Variants in KAT2B observed in about 807,000 individuals in gnomAD.
KAT2B encodes lysine acetyltransferase 2B, also known as histone acetyltransferase KAT2B.
In KAT2B, 36 loss-of-function variants were observed where a neutral mutation model predicts 105.9. The observed-to-expected ratio is 0.34, with a 90% confidence interval of 0.26 to 0.45. KAT2B has a LOEUF of 0.45. Ranked by LOEUF, KAT2B falls within the 20% of genes least tolerant of loss-of-function variation. The pLI is 1.00. For missense variants in KAT2B, 820 were observed against 1,021.6 expected (o/e 0.80, Z 2.69); for synonymous variants, 397 against 377.9 (o/e 1.05, Z -0.59).
At chr3:20,051,001 G>A (rs1422793632) in intron 1 of KAT2B, among the ~76,000 whole-genome samples, 2 of 151,992 alleles carry the variant, frequency 1.3e-5, no homozygotes, top group Non-Finnish European at 2.9e-5. Flanking sequence ...AAGAAATCAA[G>A]ACCAGCCTGG....
intron 13 of KAT2B, among the ~76,000 whole-genome samples, chr3:20,145,500 C>T (rs867573821): frequency 1.3e-4 from 16 of 119,446 alleles, no homozygotes; most frequent in Non-Finnish European, 2.0e-4. Context: ...TGTTTTGTTT[C>T]GTTTTTCCAA....
intron 5 of KAT2B, among the ~76,000 whole-genome samples, chr3:20,107,009 ATATATATT>A (rs1699029138): frequency 4.1e-5 from 1 of 24,658 alleles, no homozygotes; most frequent in Non-Finnish European, 6.4e-5. Flanking sequence ...ATATATATAT[ATATATATT>A]TTTTTTTTTT....
At chr3:20,086,903 T>A (rs184703657) in intron 2 of KAT2B, among the ~76,000 whole-genome samples, 2 of 152,032 alleles carry the variant, frequency 1.3e-5, no homozygotes, top group African/African-American at 4.8e-5. Flanking sequence ...TGCCTCAGCC[T>A]CCCAAGTAGC....
intron 1 of KAT2B, among the ~76,000 whole-genome samples, chr3:20,042,437 G>C (rs528518910): frequency 3.9e-5 from 6 of 152,086 alleles, no homozygotes; most frequent in Non-Finnish European, 8.8e-5. Context: ...TAAGAACAAG[G>C]TCATGGGTAC....
chr3:20,115,033 AC>A, intron 7 of KAT2B, 45 bp downstream of exon 7: 1 of 1,194,778 alleles, frequency 8.4e-7, no homozygotes, highest in Non-Finnish European at 1.2e-6. Flanking sequence ...AGGGAGGCCA[AC>A]CTGAAGTGTA....
intron 2 of KAT2B, among the ~76,000 whole-genome samples, chr3:20,091,640 C>T (rs1046761955): frequency 1.7e-4 from 26 of 152,156 alleles, no homozygotes; most frequent in African/African-American, 5.1e-4. Context: ...CCATAAGCTT[C>T]TTTCTTAGAA....
intron 1 of KAT2B, 98 bp from the exon 2 acceptor site, chr3:20,072,235 T>C (rs1265297975): frequency 4.0e-6 from 5 of 1,242,936 alleles, no homozygotes; most frequent in Non-Finnish European, 5.9e-6. Context: ...GGTGAGGGGA[T>C]AGCTGTCATA....
At chr3:20,149,028 G>A (rs1336015146) in intron 17 of KAT2B, 1 of 152,006 alleles carries the variant, frequency 6.6e-6, no homozygotes, top group Non-Finnish European at 1.5e-5. Flanking sequence ...TTTATTTTAC[G>A]CTTTGTCTCA....
At position 20,072,397 on chromosome 3, in the gene KAT2B, C is replaced by T. The variant is rs983887757; in HGVS notation, c.368C>T (p.Ala123Val). 1.9e-6 allele frequency: 3 copies of T among 1,613,228 alleles called. No individual in the cohort carries two copies. In the African/African-American group the frequency reaches 4.0e-5, roughly 22 times the overall value. ...NPNPSPTPPR[A>V]DLQQIIVSLT... ...AACCCCTCACCCACTCCCCCCAGAGCCGACCTGCAGCAAATAATTGTCAGT... is the reference window on the plus strand; with the variant it reads ...AACCCCTCACCCACTCCCCCCAGAGTCGACCTGCAGCAAATAATTGTCAGT... The change falls in exon 2 of 18, where the codon GCC (alanine) becomes GTC (valine). Residue 123 changes from alanine (A) to valine (V), a missense_variant. Ala to Val is a moderately conservative substitution (Grantham distance 64, BLOSUM62 0). Around this residue, in one of 6 missense-constraint regions of KAT2B, gnomAD observed 190 missense variants for 176.7 expected, o/e 1.08. Transcript: ENST00000263754.
chr3:20,109,711 C>T (rs1673205374), intron 5 of KAT2B, among the ~76,000 whole-genome samples: 1 of 152,024 alleles, frequency 6.6e-6, no homozygotes, highest in African/African-American at 2.4e-5. Flanking sequence ...ATATGAAGCA[C>T]CTTATGAATT....
At chr3:20,081,952 T>G (rs1319406036) in intron 2 of KAT2B, among the ~76,000 whole-genome samples, 1 of 150,924 alleles carries the variant, frequency 6.6e-6, no homozygotes, top group East Asian at 1.9e-4. Context: ...TATAAATTTG[T>G]TTTTCTGGAA....
At chr3:20,042,109 T>G (rs1486209347) in intron 1 of KAT2B, among the ~76,000 whole-genome samples, 1 of 152,162 alleles carries the variant, frequency 6.6e-6, no homozygotes, top group African/African-American at 2.4e-5. Flanking sequence ...AAATGCTGAT[T>G]ATGAATCAGG....
rs1699899768 is a variant in KAT2B, at chr3:20,153,351, A to G, written c.*826A>G. ...CTTGAAAACACATGAGATTGAATCA[A>G]CATGCTTTAATAGGAAAAGATGTAT... On this transcript the variant is annotated 3_prime_UTR_variant, in exon 18 of 18. Coordinates refer to ENST00000263754, the MANE Select transcript of KAT2B (RefSeq NM_003884.5). The G allele has an allele frequency of 6.6e-6, 1 of 152,228 alleles. No individual in the cohort carries two copies. The highest frequency in any genetic ancestry group is 1.5e-5 in the Non-Finnish European group (1 of 67,990). 9.4% of individuals were successfully genotyped at this position (152,228 alleles called of 1,614,324 possible). A position where few individuals can be genotyped will look rare whatever the true frequency, so the allele number is the denominator to read the frequency against.
intron 13 of KAT2B, among the ~76,000 whole-genome samples, chr3:20,145,554 GTTTTTT>G (rs550166293): frequency 2.8e-4 from 26 of 92,082 alleles, no homozygotes; most frequent in Non-Finnish European, 4.2e-4. Flanking sequence ...GATTTTTTTA[GTTTTTT>G]TTTTTTTTTT....
chr3:20,138,007 C>T (rs909504738), intron 12 of KAT2B, among the ~76,000 whole-genome samples: 1 of 152,162 alleles, frequency 6.6e-6, no homozygotes, highest in Non-Finnish European at 1.5e-5. Flanking sequence ...GTTTTCAGCT[C>T]AGCTTTTTGA....
intron 2 of KAT2B, among the ~76,000 whole-genome samples, chr3:20,089,307 A>G (rs910235974): frequency 2.0e-5 from 3 of 152,118 alleles, no homozygotes; most frequent in Non-Finnish European, 2.9e-5. Flanking sequence ...GAATCTGTAG[A>G]TCACTTTGGG....
At chr3:20,104,060 G>C (rs956473394) in intron 5 of KAT2B, among the ~76,000 whole-genome samples, 1 of 152,176 alleles carries the variant, frequency 6.6e-6, no homozygotes, top group African/African-American at 2.4e-5. Context: ...CCAATGTGGA[G>C]CTTATTAAGC....
intron 5 of KAT2B, among the ~76,000 whole-genome samples, chr3:20,109,121 C>G (rs922563853): frequency 2.0e-5 from 3 of 152,090 alleles, no homozygotes; most frequent in African/African-American, 7.2e-5. Flanking sequence ...GAATGTATTC[C>G]CGTTGTTAAG....
intron 7 of KAT2B, among the ~76,000 whole-genome samples, chr3:20,115,464 G>A (rs1699189033): frequency 6.6e-6 from 1 of 152,174 alleles, no homozygotes; most frequent in African/African-American, 2.4e-5. Flanking sequence ...AAATGCCAAA[G>A]CAGTTTATAT....
Sources: gnomAD v4.1 joint callset for allele counts (sites outside exome capture counted in the v4.1 genomes callset) on GRCh38, gnomAD v4.1.1 for gene constraint, gnomAD v4.1.1 regional missense constraint, MANE v1.5 for transcripts, NCBI Gene and HGNC (gene_info 2026-07-23, HGNC 2026-07-21) for gene names.